The following MALRD1 variants were observed in gnomAD, a reference collection of about 807,000 sequenced individuals.
MALRD1 encodes the protein MAM and LDL receptor class A domain containing 1.
In MALRD1, 247 loss-of-function variants were observed where a neutral mutation model predicts 242.1. That is an observed-to-expected ratio of 1.02 (90% CI 0.92 to 1.13). The LOEUF (loss-of-function observed/expected upper bound fraction) is 1.13, where lower values mean the gene tolerates loss of function less well. Among genes scored for constraint, MALRD1 ranks in the 50% most tolerant of loss-of-function variants. MALRD1 has a pLI of 0.00. For missense variants in MALRD1, 2,989 were observed against 2,533.1 expected (o/e 1.18, Z -3.86); for synonymous variants, 995 against 866.6 (o/e 1.15, Z -2.60).
intron 31 of MALRD1, among the ~76,000 whole-genome samples, chr10:19,502,461 A>C (rs1429723452): frequency 3.9e-5 from 6 of 152,180 alleles, no homozygotes; most frequent in Admixed American, 3.9e-4. Context: ...CTTGCACAGC[A>C]TAGTTTTATA....
intron 29 of MALRD1, among the ~76,000 whole-genome samples, chr10:19,490,509 G>T (rs779902294): frequency 1.3e-5 from 1 of 74,178 alleles, no homozygotes; most frequent in Non-Finnish European, 2.6e-5. Flanking sequence ...AGTGGGGCGG[G>T]GGGGGGGCAG....
At chr10:19,528,636 A>G (rs1206258992) in intron 31 of MALRD1, among the ~76,000 whole-genome samples, 1 of 152,124 alleles carries the variant, frequency 6.6e-6, no homozygotes, top group African/African-American at 2.4e-5. Context: ...AAATTTTCTT[A>G]TTTTGGCAGC....
intron 31 of MALRD1, among the ~76,000 whole-genome samples, chr10:19,510,561 C>T (rs2131286443): frequency 1.3e-5 from 2 of 152,346 alleles, no homozygotes; most frequent in South Asian, 4.1e-4. Context: ...TAACAAAGCA[C>T]ATCCTGCATA....
At chr10:19,094,093 G>T (rs1280799314) in intron 4 of MALRD1, among the ~76,000 whole-genome samples, 2 of 110,126 alleles carry the variant, frequency 1.8e-5, no homozygotes, top group East Asian at 5.5e-4. Context: ...AGGCAGGCAG[G>T]CCTCCTTGAG....
intron 32 of MALRD1, among the ~76,000 whole-genome samples, chr10:19,551,479 C>T (rs1835465937): frequency 6.6e-6 from 1 of 152,100 alleles, no homozygotes; most frequent in African/African-American, 2.4e-5. Flanking sequence ...ACTGAAGTTG[C>T]TTATCAGCTT....
intron 15 of MALRD1, 27 bp from the exon 16 acceptor site, chr10:19,204,281 G>GTT (rs71387054): frequency 0.016 from 16,903 of 1,036,232 alleles, 190 homozygotes; most frequent in African/African-American, 0.086. Context: ...TTAATGAAGC[G>GTT]TTTTTTTTTT....
At chr10:19,638,100 T>C (rs1345878929) in intron 36 of MALRD1, among the ~76,000 whole-genome samples, 1 of 25,118 alleles carries the variant, frequency 4.0e-5, no homozygotes, top group Non-Finnish European at 6.9e-5. Context: ...AAACTCACTC[T>C]CAAAAAAAAA....
chr10:19,719,219 C>CGT (rs1834599859), intron 38 of MALRD1, among the ~76,000 whole-genome samples: 4 of 30,308 alleles, frequency 1.3e-4, no homozygotes, highest in Non-Finnish European at 3.4e-4. Flanking sequence ...TATACACATA[C>CGT]ATACATATAT....
intron 31 of MALRD1, among the ~76,000 whole-genome samples, chr10:19,503,501 G>T (rs964476589): frequency 6.6e-6 from 1 of 152,096 alleles, no homozygotes; most frequent in African/African-American, 2.4e-5. Flanking sequence ...AACATCAGTC[G>T]ACTCTCTGGT....
At chr10:19,504,920 G>T (rs1487576845) in intron 31 of MALRD1, among the ~76,000 whole-genome samples, 1 of 150,760 alleles carries the variant, frequency 6.6e-6, no homozygotes, top group Non-Finnish European at 1.5e-5. Context: ...CTGACCTCAT[G>T]ATCCACCCGC....
intron 27 of MALRD1, 79 bp downstream of exon 27, chr10:19,387,852 G>A: frequency 1.4e-6 from 2 of 1,479,738 alleles, no homozygotes; most frequent in Non-Finnish European, 1.8e-6. Flanking sequence ...ATAGCAACTG[G>A]GGAGCTCTGA....
intron 34 of MALRD1, among the ~76,000 whole-genome samples, chr10:19,598,095 G>C (rs1399451335): frequency 6.6e-6 from 1 of 152,130 alleles, no homozygotes; most frequent in African/African-American, 2.4e-5. Context: ...TTGGATATGG[G>C]ATGGATTGGA....
chr10:19,277,865 C>T (rs778301023), intron 19 of MALRD1, among the ~76,000 whole-genome samples: 1 of 152,152 alleles, frequency 6.6e-6, no homozygotes, highest in Non-Finnish European at 1.5e-5. Flanking sequence ...CAGATTTTTG[C>T]TCTTTCCTTT....
intron 30 of MALRD1, 93 bp downstream of exon 30, chr10:19,491,738 A>G: frequency 1.4e-6 from 2 of 1,383,788 alleles, no homozygotes; most frequent in Non-Finnish European, 1.9e-6. Flanking sequence ...TGGAGAAGAA[A>G]TATTATTTTC....
At chr10:19,358,193 C>T (rs1844719375) in intron 26 of MALRD1, among the ~76,000 whole-genome samples, 1 of 89,586 alleles carries the variant, frequency 1.1e-5, no homozygotes, top group Non-Finnish European at 2.5e-5. Context: ...GGGCAGGAGT[C>T]AAGTGTGTGT....
chr10:19,283,209 C>A, intron 21 of MALRD1, 28 bp downstream of exon 21: 1 of 1,432,118 alleles, frequency 7.0e-7, no homozygotes, highest in African/African-American at 1.4e-5. Context: ...TTGAATATCT[C>A]TCTTGGGAAA....
chr10:19,256,686 T>G (rs1440440024), intron 18 of MALRD1, among the ~76,000 whole-genome samples: 1 of 152,042 alleles, frequency 6.6e-6, no homozygotes, highest in African/African-American at 2.4e-5. Flanking sequence ...TGGAGAAAAG[T>G]GTTAAGAGGT....
intron 38 of MALRD1, among the ~76,000 whole-genome samples, chr10:19,695,093 G>A (rs1329203747): frequency 6.6e-6 from 1 of 152,070 alleles, no homozygotes; most frequent in African/African-American, 2.4e-5. Flanking sequence ...TAGTGGGGAG[G>A]CATAGCATTA....
chr10:19,369,259 T>A (rs887870447), intron 26 of MALRD1, among the ~76,000 whole-genome samples: 1 of 146,822 alleles, frequency 6.8e-6, no homozygotes, highest in African/African-American at 2.5e-5. Flanking sequence ...TATACACTTA[T>A]GTTGTATACA....
Sources: allele counts gnomAD v4.1 joint callset (sites outside exome capture counted in the v4.1 genomes callset), GRCh38; gene constraint gnomAD v4.1.1; transcripts MANE v1.5; gene names NCBI Gene and HGNC (gene_info 2026-07-23, HGNC 2026-07-21).